CACNA1B: variants seen among roughly 807,000 people sequenced by gnomAD.
The protein encoded by CACNA1B is voltage-dependent N-type calcium channel subunit alpha-1B.
In CACNA1B, 70 loss-of-function variants were observed where a neutral mutation model predicts 247.2. That is an observed-to-expected ratio of 0.28 (90% CI 0.23 to 0.35). The LOEUF (loss-of-function observed/expected upper bound fraction) is 0.35, where lower values mean the gene tolerates loss of function less well. CACNA1B is among the 10% of genes least tolerant of loss of function. The pLI, the probability that CACNA1B is intolerant of heterozygous loss-of-function variation, is 1.00. For missense variants in CACNA1B, 2,367 were observed against 3,197.4 expected (o/e 0.74, Z 6.26); for synonymous variants, 1,231 against 1,294.4 (o/e 0.95, Z 1.05).
chr9:137,984,259 C>T lies in CACNA1B; in HGVS notation c.1769+9C>T, dbSNP rs541388045. On this transcript the variant is annotated intron_variant, in intron 13 of 46. Transcript: ENST00000371372. ...ATCTTCAAAGTCACGAAGTACGTCC[C>T]CTGCGCTCCCAGGCGAGGGCAGGTG... 3 of 1,559,734 alleles carry T rather than the reference C, an allele frequency of 1.9e-6. No individual in the cohort carries two copies. The highest frequency in any genetic ancestry group is 2.6e-6 in the Non-Finnish European group (3 of 1,148,268).
chr9:137,998,446 C>T (rs1360590429), intron 15 of CACNA1B, among the ~76,000 whole-genome samples: 1 of 152,046 alleles, frequency 6.6e-6, no homozygotes. Context: ...CCCATCTTTA[C>T]TAAAAATACG....
chr9:138,070,223 C>T (rs1435251894), intron 32 of CACNA1B, among the ~76,000 whole-genome samples: 2 of 152,216 alleles, frequency 1.3e-5, no homozygotes, highest in African/African-American at 2.4e-5. Context: ...CAGGTGGCCT[C>T]TGCAGACTCC....
rs1256291543 is a variant in CACNA1B at position 138,122,579 on chromosome 9, G to A, written c.*580G>A. 2 of 153,324 alleles carry A rather than the reference G, an allele frequency of 1.3e-5. No homozygotes were observed. The highest frequency in any genetic ancestry group is 3.8e-4 in the East Asian group (2 of 5,222). 9.5% of individuals were successfully genotyped at this position (153,324 alleles called of 1,614,324 possible). A position where few individuals can be genotyped will look rare whatever the true frequency, so the allele number is the denominator to read the frequency against. The stretch of plus-strand genomic sequence containing the variant: ...TGGGAAGTGTTCTTGCTGTGGTTGT[G>A]ATTTTTAATTGCAACACCTCTCATT... On this transcript the variant is annotated 3_prime_UTR_variant, in exon 47 of 47. Coordinates refer to ENST00000371372, the MANE Select transcript of CACNA1B (RefSeq NM_000718.4).
intron 44 of CACNA1B, among the ~76,000 whole-genome samples, chr9:138,119,486 C>G (rs1429679016): frequency 6.6e-6 from 1 of 152,192 alleles, no homozygotes; most frequent in Non-Finnish European, 1.5e-5. Context: ...AGCCCTGTCC[C>G]TCGGCCGACC....
At chr9:137,918,502 C>T (rs1249654934) in intron 6 of CACNA1B, among the ~76,000 whole-genome samples, 1 of 152,076 alleles carries the variant, frequency 6.6e-6, no homozygotes, top group East Asian at 1.9e-4. Flanking sequence ...CCCTCAGGTG[C>T]TGTCAGGGTG....
chr9:137,975,918 T>A lies in CACNA1B; in HGVS notation c.1555T>A (p.Phe519Ile). 2 of 1,610,420 alleles carry A rather than the reference T, an allele frequency of 1.2e-6. No individual in the cohort carries two copies. Among genetic ancestry groups the A allele is most frequent in the Non-Finnish European group, 1.7e-6 (2 of 1,176,808 alleles). Residue 519 changes from phenylalanine to isoleucine, a missense_variant, in exon 12 of 47, where the codon TTT (phenylalanine) becomes ATT (isoleucine). Phe to Ile is a conservative substitution (Grantham distance 21). Transcript: ENST00000371372. ...CCGGCTTCTCCTAGATTTTGCAGAG[T>A]TTGTTTTCCTGGGTCTCTTCCTCAC... ...RLTTTLYFAE[F>I]VFLGLFLTEM... is the part of the protein sequence containing the mutation.
chr9:137,921,942 G>T (rs1293219666), intron 6 of CACNA1B, among the ~76,000 whole-genome samples: 2 of 139,080 alleles, frequency 1.4e-5, no homozygotes, highest in African/African-American at 2.7e-5. Context: ...CACCACGACC[G>T]CACAGCATCC....
At position 138,056,579 on chromosome 9, in the gene CACNA1B, T is replaced by G. The variant is rs75388721; in HGVS notation, c.3969-1153T>G. 3.0e-3 allele frequency among the ~76,000 whole-genome samples: 464 copies of G among 152,310 alleles called. 6 individuals are homozygous for G. In the East Asian group the frequency reaches 0.042, roughly 14 times the overall value. ...TGGGTCTGTTTTTGCTTCTCATGGG[T>G]GTGTACCTAAAAGTGGAATTAATGA... On this transcript the variant is annotated intron_variant, in intron 26 of 46. Transcript: ENST00000371372.
At chr9:138,053,624 C>T (rs1435152293) in intron 25 of CACNA1B, among the ~76,000 whole-genome samples, 1 of 137,348 alleles carries the variant, frequency 7.3e-6, no homozygotes, top group Non-Finnish European at 1.6e-5. Flanking sequence ...CCACCCCTCT[C>T]ATCATGGCAC....
Position 137,957,199 on chromosome 9 carries a change from C to T in CACNA1B, c.1243+372C>T, listed in dbSNP as rs751202616. Among the ~76,000 whole-genome samples the T allele has an allele frequency of 3.3e-5, 5 of 152,216 alleles. No homozygotes were observed. Among genetic ancestry groups the T allele is most frequent in the African/African-American group, 4.8e-5 (2 of 41,468 alleles). ...AAGGCTGCCCTCTCTGCACACCCAC[C>T]GCTCAGGTCAGGGCCAGACAGCATG... is the stretch of plus-strand genomic sequence containing the variant. On this transcript the variant is annotated intron_variant, in intron 9 of 46. Coordinates refer to ENST00000371372, the MANE Select transcript of CACNA1B (RefSeq NM_000718.4). This position sits in a 1 kb window ranked among gnomAD's most constrained non-coding sequence, Gnocchi z 4.7.
At chr9:137,878,857 G>T (rs113688899) in intron 1 of CACNA1B, among the ~76,000 whole-genome samples, 197 bp from the exon 2 acceptor site, 1 of 152,150 alleles carries the variant, frequency 6.6e-6, no homozygotes, top group African/African-American at 2.4e-5. Context: ...CGGAGGCCCC[G>T]CCTCGCGGCC....
intron 12 of CACNA1B, among the ~76,000 whole-genome samples, chr9:137,979,374 C>T (rs995504921): frequency 1.1e-4 from 16 of 152,226 alleles, no homozygotes; most frequent in African/African-American, 2.2e-4. Flanking sequence ...CACAGGCTGC[C>T]GGAGTGTCCT....
chr9:137,917,554 C>T lies in CACNA1B; in HGVS notation c.966+123C>T. 1.3e-6 allele frequency: 1 copy of T among 797,456 alleles called. No individual in the cohort carries two copies. Among genetic ancestry groups the T allele is most frequent in the South Asian group, 1.8e-5 (1 of 56,928 alleles). The allele number at this position is 797,456 out of a possible 1,614,324, so 49.4% of individuals were successfully genotyped here. Reference sequence around the variant, plus strand: ...GCCTCTGCCCAGCCCTAGGCTCCTCCCTGCACCCCTAGGATGAAATGCAGG... The same window carrying T: ...GCCTCTGCCCAGCCCTAGGCTCCTCTCTGCACCCCTAGGATGAAATGCAGG... On this transcript the variant is annotated intron_variant, in intron 6 of 46. Coordinates refer to ENST00000371372, the MANE Select transcript of CACNA1B (RefSeq NM_000718.4). This position sits in a 1 kb window ranked among gnomAD's most constrained non-coding sequence, Gnocchi z 5.5.
intron 13 of CACNA1B, among the ~76,000 whole-genome samples, chr9:137,985,310 G>A (rs1354275248): frequency 6.6e-6 from 1 of 152,200 alleles, no homozygotes; most frequent in Non-Finnish European, 1.5e-5. Flanking sequence ...CCTCACTGGC[G>A]CTCTGTGCTG....
intron 11 of CACNA1B, among the ~76,000 whole-genome samples, chr9:137,972,313 A>G (rs920042983): frequency 3.3e-5 from 5 of 152,176 alleles, no homozygotes; most frequent in African/African-American, 1.2e-4. Flanking sequence ...CCTTTCAGGT[A>G]GTGATTCAGC....
intron 40 of CACNA1B, among the ~76,000 whole-genome samples, chr9:138,113,349 A>G (rs1358873561): frequency 7.1e-6 from 1 of 141,592 alleles, no homozygotes; most frequent in African/African-American, 2.7e-5. Flanking sequence ...GAGGTGCCCA[A>G]CTCCAACTTG....
intron 31 of CACNA1B, among the ~76,000 whole-genome samples, chr9:138,061,954 G>C (rs1028099652): frequency 1.3e-5 from 2 of 152,210 alleles, no homozygotes; most frequent in African/African-American, 2.4e-5. Context: ...CTATCCAGAG[G>C]TCTGCTGTGT....
chr9:138,043,486 C>T (rs751661977), intron 20 of CACNA1B, among the ~76,000 whole-genome samples: 5 of 152,060 alleles, frequency 3.3e-5, no homozygotes, highest in African/African-American at 7.2e-5. Context: ...GGCCCCTCAG[C>T]GCGGCAGAGG....
intron 6 of CACNA1B, among the ~76,000 whole-genome samples, chr9:137,931,865 C>A (rs977380861): frequency 5.3e-5 from 8 of 152,094 alleles, no homozygotes; most frequent in African/African-American, 1.7e-4. Flanking sequence ...CAAATATAGT[C>A]ATTAGTGATG....
Sources: gnomAD v4.1 joint callset for allele counts (sites outside exome capture counted in the v4.1 genomes callset) on GRCh38, gnomAD v4.1.1 for gene constraint, Gnocchi (gnomAD v3.1) non-coding constraint, MANE v1.5 for transcripts, NCBI Gene and HGNC (gene_info 2026-07-23, HGNC 2026-07-21) for gene names.